RGS7BP: variants seen among roughly 807,000 people sequenced by gnomAD.
RGS7BP encodes the protein regulator of G protein signaling 7 binding protein.
Under a neutral mutation model 31.3 loss-of-function variants are expected in RGS7BP, and 9 were observed. The observed-to-expected ratio is 0.29, with a 90% CI of 0.17 to 0.50. The LOEUF (loss-of-function observed/expected upper bound fraction) is 0.50, where lower values mean the gene tolerates loss of function less well. RGS7BP is among the 20% of genes least tolerant of loss of function. The pLI is 0.98. For synonymous variants in RGS7BP, 115 were observed against 120.1 expected (o/e 0.96, Z 0.28); for missense variants, 274 against 322.0 (o/e 0.85, Z 1.14).
In RGS7BP at chr5:64,554,283, C is replaced by T. The variant is rs115395295; in HGVS notation, c.333-21491C>T. On this transcript the variant is annotated intron_variant, in intron 2 of 5. Transcript: ENST00000334025. ...ACACAAGGAGGCCTGCACTATACAA[C>T]TGTTTCTCCTTTCAGGTGCCAGGAA... Among the ~76,000 whole-genome samples, 1,000 of 152,306 alleles carry T rather than the reference C, an allele frequency of 6.6e-3. 15 individuals are homozygous for T. Among genetic ancestry groups the T allele is most frequent in the African/African-American group, 0.023 (961 of 41,566 alleles).
intron 5 of RGS7BP, among the ~76,000 whole-genome samples, chr5:64,607,323 A>G (rs537666761): frequency 1.7e-3 from 263 of 152,202 alleles, no homozygotes; most frequent in Non-Finnish European, 3.0e-3. Context: ...GATTAAGTAC[A>G]TGCCCATGAC....
At chr5:64,536,368 G>C (rs564170856) in intron 2 of RGS7BP, among the ~76,000 whole-genome samples, 1 of 152,152 alleles carries the variant, frequency 6.6e-6, no homozygotes, top group Non-Finnish European at 1.5e-5. Context: ...TCTCAGGTCA[G>C]GGAGCATAAA....
At chr5:64,544,690 A>G (rs1242723299) in intron 2 of RGS7BP, among the ~76,000 whole-genome samples, 1 of 151,978 alleles carries the variant, frequency 6.6e-6, no homozygotes, top group Non-Finnish European at 1.5e-5. Flanking sequence ...AGAAGAAGAA[A>G]AAAAGACCAT....
At chr5:64,577,167 G>A (rs1039378868) in intron 3 of RGS7BP, among the ~76,000 whole-genome samples, 2 of 152,164 alleles carry the variant, frequency 1.3e-5, no homozygotes, top group Non-Finnish European at 2.9e-5. Context: ...GGCCAGGCAC[G>A]GTGGCTCACG....
intron 4 of RGS7BP, among the ~76,000 whole-genome samples, chr5:64,596,156 G>A: frequency 6.6e-6 from 1 of 152,144 alleles, no homozygotes. Context: ...CGCCTTATAA[G>A]CTTATAAGAA....
chr5:64,604,036 G>A (rs1397822169), intron 5 of RGS7BP, among the ~76,000 whole-genome samples: 3 of 152,194 alleles, frequency 2.0e-5, no homozygotes, highest in Middle Eastern at 3.2e-3. Flanking sequence ...AAAGGCAGCA[G>A]GCAAAAGAAA....
intron 2 of RGS7BP, among the ~76,000 whole-genome samples, chr5:64,564,429 T>C (rs968612109): frequency 6.6e-6 from 1 of 152,210 alleles, no homozygotes; most frequent in Admixed American, 6.6e-5. Context: ...ATTTCAAATA[T>C]GTGGCTTATT....
chr5:64,533,375 C>T (rs750474946), intron 2 of RGS7BP, among the ~76,000 whole-genome samples: 3 of 152,184 alleles, frequency 2.0e-5, no homozygotes, highest in Non-Finnish European at 4.4e-5. Context: ...ATTTCCCAGA[C>T]TACATGAGCT....
intron 2 of RGS7BP, among the ~76,000 whole-genome samples, chr5:64,565,992 T>G (rs1484622695): frequency 6.6e-6 from 1 of 152,120 alleles, no homozygotes; most frequent in African/African-American, 2.4e-5. Context: ...AGATATAATG[T>G]GTACAGAATC....
chr5:64,551,561 A>G (rs1207780669), intron 2 of RGS7BP, among the ~76,000 whole-genome samples: 1 of 151,798 alleles, frequency 6.6e-6, no homozygotes, highest in Non-Finnish European at 1.5e-5. Context: ...GAGTCACCCT[A>G]TATTAAGACT....
At position 64,610,832 on chromosome 5, in the gene RGS7BP, A is replaced by G. The variant is rs540111459; in HGVS notation, c.*1580A>G. The G allele has an allele frequency of 6.6e-6, 1 of 152,026 alleles. No homozygotes were observed. Among genetic ancestry groups the G allele is most frequent in the South Asian group, 2.1e-4 (1 of 4,826 alleles). The allele number at this position is 152,026 out of a possible 1,614,324, so 9.4% of individuals were successfully genotyped here. On this transcript the variant is annotated 3_prime_UTR_variant, in exon 6 of 6. Coordinates refer to ENST00000334025, the MANE Select transcript of RGS7BP (RefSeq NM_001029875.3). ...ATCCAATGTGGAAATTATACTTGGA[A>G]TTGTCTTCTAGCTCTTTTGATTGAA...
intron 2 of RGS7BP, among the ~76,000 whole-genome samples, chr5:64,542,033 C>T (rs919587744): frequency 6.6e-6 from 1 of 152,022 alleles, no homozygotes; most frequent in Admixed American, 6.6e-5. Context: ...TAGATATTAA[C>T]GAATTTTCAC....
At chr5:64,565,862 C>T (rs1211792618) in intron 2 of RGS7BP, among the ~76,000 whole-genome samples, 1 of 152,078 alleles carries the variant, frequency 6.6e-6, no homozygotes, top group African/African-American at 2.4e-5. Context: ...ATAGATTTTA[C>T]ATCTGTCTAG....
chr5:64,597,310 A>G (rs898626377), intron 4 of RGS7BP, among the ~76,000 whole-genome samples: 1 of 151,906 alleles, frequency 6.6e-6, no homozygotes. Flanking sequence ...AGATGAGGGA[A>G]GATATTGGAT....
At chr5:64,553,139 G>A (rs1252968295) in intron 2 of RGS7BP, among the ~76,000 whole-genome samples, 1 of 149,118 alleles carries the variant, frequency 6.7e-6, no homozygotes, top group African/African-American at 2.5e-5. Context: ...AGTGTAACTT[G>A]AATCTGTAGG....
At chr5:64,599,201 G>A (rs920499797) in intron 5 of RGS7BP, among the ~76,000 whole-genome samples, 13 of 152,176 alleles carry the variant, frequency 8.5e-5, no homozygotes, top group East Asian at 3.9e-4. Context: ...AGAGACTGAC[G>A]ACATGTACAA....
rs549629380 is a variant in RGS7BP at position 64,604,532 on chromosome 5, C to T, written c.683-4629C>T. 5.7e-4 allele frequency among the ~76,000 whole-genome samples: 86 copies of T among 152,198 alleles called. 1 individual carries two copies. The highest frequency in any genetic ancestry group is 2.0e-3 in the African/African-American group (84 of 41,510). On this transcript the variant is annotated intron_variant, in intron 5 of 5. Coordinates refer to ENST00000334025, the MANE Select transcript of RGS7BP (RefSeq NM_001029875.3). ...GGCCTTCTGTTAATCCAGTGGTTCTCAAAGTGTGCTCTTAGGACCAGCAGC... is the reference window on the plus strand; with the variant it reads ...GGCCTTCTGTTAATCCAGTGGTTCTTAAAGTGTGCTCTTAGGACCAGCAGC...
At chr5:64,568,521 T>C (rs2111881356) in intron 2 of RGS7BP, among the ~76,000 whole-genome samples, 1 of 152,170 alleles carries the variant, frequency 6.6e-6, no homozygotes, top group East Asian at 1.9e-4. Flanking sequence ...TAAGCATGAG[T>C]TCTTGGAGTG....
At chr5:64,544,551 A>G (rs1741604523) in intron 2 of RGS7BP, among the ~76,000 whole-genome samples, 3 of 151,204 alleles carry the variant, frequency 2.0e-5, no homozygotes, top group African/African-American at 7.3e-5. Context: ...GTGCATGCCT[A>G]TAGTCCTAGC....
Sources: gnomAD v4.1 joint callset for allele counts (sites outside exome capture counted in the v4.1 genomes callset) on GRCh38, gnomAD v4.1.1 for gene constraint, MANE v1.5 for transcripts, NCBI Gene and HGNC (gene_info 2026-07-23, HGNC 2026-07-21) for gene names.